The following RRBP1 variants were observed in gnomAD, a reference collection of about 807,000 sequenced individuals.
The protein encoded by RRBP1 is ribosome-binding protein 1.
A neutral mutation model predicts 165.2 loss-of-function variants in RRBP1; 94 were observed. That is an observed-to-expected ratio of 0.57 (90% CI 0.48 to 0.68). The LOEUF (loss-of-function observed/expected upper bound fraction) is 0.68. Among genes scored for constraint, RRBP1 ranks in the 30% least tolerant of loss-of-function variants. The pLI is 0.00. For missense variants in RRBP1, 1,676 were observed against 1,763.0 expected (o/e 0.95, Z 0.88); for synonymous variants, 680 against 714.5 (o/e 0.95, Z 0.77).
chr20:17,670,413 A>G (rs1288226847), intron 2 of RRBP1, among the ~76,000 whole-genome samples: 1 of 130,726 alleles, frequency 7.6e-6, no homozygotes, highest in Non-Finnish European at 1.6e-5. Flanking sequence ...TTTTTTTTTC[A>G]TTGTTTCTAC....
intron 3 of RRBP1, among the ~76,000 whole-genome samples, chr20:17,651,020 G>A (rs114634750): frequency 6.5e-4 from 99 of 152,330 alleles, no homozygotes; most frequent in African/African-American, 2.2e-3. Flanking sequence ...GCCTGGACAC[G>A]TGCGTCAGCT....
chr20:17,653,154 T>C (rs6080762), intron 3 of RRBP1, among the ~76,000 whole-genome samples: 18,226 of 152,122 alleles, frequency 0.12, 1,411 homozygotes, highest in Middle Eastern at 0.24. Flanking sequence ...GTGGGAATTC[T>C]GCCAGATGCA....
chr20:17,661,073 TA>T (rs1484889947), intron 2 of RRBP1, among the ~76,000 whole-genome samples: 1 of 152,158 alleles, frequency 6.6e-6, no homozygotes, highest in Non-Finnish European at 1.5e-5. Flanking sequence ...TTGACTGATT[TA>T]AAAAATATGT....
chr20:17,615,992 C>G lies in RRBP1; in HGVS notation c.3885G>C (p.Glu1295Asp), dbSNP rs778285353. The G allele has an allele frequency of 5.6e-6, 9 of 1,607,390 alleles. No homozygotes were observed. Among genetic ancestry groups the G allele is most frequent in the Non-Finnish European group, 7.6e-6 (9 of 1,179,828 alleles). Residue 1295 changes from glutamate to aspartate, a missense_variant, in exon 22 of 25, where the codon GAG becomes GAC. Transcript: ENST00000377813. ...QDPVQLKTQL[E>D]WTEAILEDEQ... is the part of the protein sequence containing the mutation. The stretch of plus-strand genomic sequence containing the variant: ...CATCCTCCAGGATGGCTTCTGTCCA[C>G]TCCAGCTGCGTCTTCAGCTGTGCAA...
chr20:17,636,717 C>G lies in RRBP1; in HGVS notation c.2197G>C (p.Glu733Gln). Residue 733 changes from glutamate (E) to glutamine (Q), a missense_variant, in exon 6 of 25, where the codon GAA becomes CAA. Physicochemically the swap from Glu to Gln is conservative, Grantham distance 29. Coordinates refer to ENST00000377813, the MANE Select transcript of RRBP1 (RefSeq NM_001365613.2). ...LRELNKEMAA[E>Q]KAKAAAGEAK... ...TCCCCGGCTGCTGCTTTGGCCTTTTCTGCTGCCATCTCCTGGGGGGAAAGT... is the reference window on the plus strand; with the variant it reads ...TCCCCGGCTGCTGCTTTGGCCTTTTGTGCTGCCATCTCCTGGGGGGAAAGT... 6.2e-7 allele frequency: 1 copy of G among 1,612,964 alleles called. No homozygotes were observed. The highest frequency in any genetic ancestry group is 8.5e-7 in the Non-Finnish European group (1 of 1,180,024).
chr20:17,665,517 G>A (rs1252555630), intron 2 of RRBP1, among the ~76,000 whole-genome samples: 2 of 152,144 alleles, frequency 1.3e-5, no homozygotes, highest in South Asian at 2.1e-4. Flanking sequence ...GATTACAGGC[G>A]TGTGTCACCA....
intron 3 of RRBP1, among the ~76,000 whole-genome samples, chr20:17,652,649 TG>T (rs932890823): frequency 3.9e-5 from 6 of 152,146 alleles, no homozygotes; most frequent in African/African-American, 1.4e-4. Context: ...TGCCTCAGGT[TG>T]GGCACACATG....
At chr20:17,664,762 C>T (rs1156660494) in intron 2 of RRBP1, among the ~76,000 whole-genome samples, 1 of 152,210 alleles carries the variant, frequency 6.6e-6, no homozygotes, top group African/African-American at 2.4e-5. Context: ...TACTAAGCAG[C>T]AGCTCCACGG....
intron 20 of RRBP1, among the ~76,000 whole-genome samples, chr20:17,617,401 G>A (rs1039549653): frequency 1.3e-5 from 2 of 152,218 alleles, no homozygotes; most frequent in Non-Finnish European, 2.9e-5. Flanking sequence ...TGGAGACCCA[G>A]GTGGGGCCCT....
chr20:17,618,542 C>A, intron 20 of RRBP1, 54 bp downstream of exon 20: 2 of 1,340,042 alleles, frequency 1.5e-6, no homozygotes, highest in Non-Finnish European at 1.1e-6. Flanking sequence ...ATGCATCTCA[C>A]ACACGCAACG....
chr20:17,615,930 T>C lies in RRBP1; in HGVS notation c.3947A>G (p.Glu1316Gly), dbSNP rs942975566. ...TQRQKLTAEF[E>G]EAQTSACRLQ... ...AGCCACCAGGCAGGGCCTGACCTCC[T>C]CAAACTCGGCCGTGAGCTTCTGCCG... The change falls in exon 22 of 25, where the codon GAG (glutamate) becomes GGG (glycine). Residue 1316 changes from glutamate to glycine, a missense_variant. Transcript: ENST00000377813. 5.6e-6 allele frequency: 9 copies of C among 1,609,662 alleles called. No homozygotes were observed. In the Admixed American group the frequency reaches 1.5e-4, roughly 27 times the overall value.
chr20:17,627,800 C>T (rs2036059103), intron 9 of RRBP1, 118 bp from the exon 10 acceptor site: 2 of 955,538 alleles, frequency 2.1e-6, no homozygotes, highest in African/African-American at 3.3e-5. Flanking sequence ...CCTCCTGCCT[C>T]CTCTGTGTGT....
At chr20:17,633,681 C>T (rs2036196150) in intron 7 of RRBP1, 68 bp from the exon 8 acceptor site, 1 of 1,513,476 alleles carries the variant, frequency 6.6e-7, no homozygotes, top group Non-Finnish European at 9.0e-7. Flanking sequence ...CCAAGCCCTC[C>T]CTCCAGGACT....
intron 21 of RRBP1, 125 bp from the exon 22 acceptor site, chr20:17,616,134 C>CAACGAGGGGA: frequency 2.6e-6 from 2 of 779,610 alleles, no homozygotes; most frequent in Non-Finnish European, 4.0e-6. Flanking sequence ...CAACGCTCCC[C>CAACGAGGGGA]TCGTTGGGGA....
At chr20:17,646,915 A>C (rs2036473474) in intron 3 of RRBP1, among the ~76,000 whole-genome samples, 1 of 152,144 alleles carries the variant, frequency 6.6e-6, no homozygotes, top group Non-Finnish European at 1.5e-5. Context: ...CCAGCCCCCC[A>C]CATCAGCTGC....
intron 2 of RRBP1, among the ~76,000 whole-genome samples, chr20:17,673,558 G>A (rs1408360956): frequency 6.6e-6 from 1 of 152,112 alleles, no homozygotes; most frequent in Non-Finnish European, 1.5e-5. Context: ...ACAGGCATGT[G>A]CCACCATGTC....
At chr20:17,635,400 G>T in intron 7 of RRBP1, 146 bp downstream of exon 7, 1 of 628,646 alleles carries the variant, frequency 1.6e-6, no homozygotes, top group Non-Finnish European at 2.7e-6. Flanking sequence ...CCAGAACCCA[G>T]ACGGGAGATG....
At chr20:17,666,394 C>T (rs1312463018) in intron 2 of RRBP1, among the ~76,000 whole-genome samples, 2 of 151,314 alleles carry the variant, frequency 1.3e-5, no homozygotes, top group African/African-American at 4.9e-5. Context: ...TAATGATTTT[C>T]TCCATAAAAG....
intron 5 of RRBP1, among the ~76,000 whole-genome samples, chr20:17,637,551 A>C (rs894143202): frequency 2.0e-5 from 3 of 152,214 alleles, no homozygotes; most frequent in African/African-American, 7.2e-5. Context: ...CCAGGGCACA[A>C]GCGTCCCACC....
Sources: allele counts gnomAD v4.1 joint callset (sites outside exome capture counted in the v4.1 genomes callset), GRCh38; gene constraint gnomAD v4.1.1; transcripts MANE v1.5; gene names NCBI Gene and HGNC (gene_info 2026-07-23, HGNC 2026-07-21).